LRMDA: variants seen among roughly 807,000 people sequenced by gnomAD.
LRMDA encodes the protein leucine rich melanocyte differentiation associated.
In LRMDA, 18 loss-of-function variants were observed where a neutral mutation model predicts 29.8. The ratio of observed to expected loss-of-function variants is 0.60; its 90% CI spans 0.42 to 0.90. LRMDA has a LOEUF of 0.90. Ranked by LOEUF, LRMDA falls within the 40% of genes least tolerant of loss-of-function variation. LRMDA has a pLI of 0.00. For synonymous variants in LRMDA, 125 were observed against 109.4 expected (o/e 1.14, Z -0.89); for missense variants, 273 against 273.9 (o/e 1.00, Z 0.02).
intron 2 of LRMDA, among the ~76,000 whole-genome samples, chr10:75,945,757 T>C (rs528418850): frequency 3.1e-4 from 47 of 152,296 alleles, no homozygotes; most frequent in Admixed American, 8.5e-4. Context: ...GGCAGCTACA[T>C]TGATATTTAA....
intron 2 of LRMDA, among the ~76,000 whole-genome samples, chr10:75,871,828 G>T (rs565031823): frequency 6.6e-6 from 1 of 152,168 alleles, no homozygotes; most frequent in African/African-American, 2.4e-5. Context: ...TTTACCCTTT[G>T]TTTTCATCAA....
At chr10:76,323,099 C>G (rs1321369595) in intron 5 of LRMDA, among the ~76,000 whole-genome samples, 1 of 151,878 alleles carries the variant, frequency 6.6e-6, no homozygotes, top group Non-Finnish European at 1.5e-5. Flanking sequence ...GCCTTGGATC[C>G]AAATTTAAAC....
intron 5 of LRMDA, among the ~76,000 whole-genome samples, chr10:76,107,863 CATCATCT>C (rs1244282707): frequency 5.3e-5 from 8 of 152,112 alleles, no homozygotes; most frequent in Non-Finnish European, 1.0e-4. Context: ...CCCATCAACC[CATCATCT>C]AAGTTTTCAA....
At chr10:75,672,538 C>T (rs563844969) in intron 2 of LRMDA, among the ~76,000 whole-genome samples, 1,684 of 5,334 alleles carry the variant, frequency 0.32, 399 homozygotes, top group East Asian at 0.62. Context: ...CCCCTCCCCT[C>T]CCCTCCCCTC....
At chr10:75,566,656 T>G (rs1453407960) in intron 2 of LRMDA, among the ~76,000 whole-genome samples, 1 of 152,134 alleles carries the variant, frequency 6.6e-6, no homozygotes, top group Non-Finnish European at 1.5e-5. Context: ...CTCTATCCAG[T>G]TTGCTGGCCA....
At chr10:76,277,284 T>C (rs188999854) in intron 5 of LRMDA, among the ~76,000 whole-genome samples, 2 of 152,250 alleles carry the variant, frequency 1.3e-5, no homozygotes, top group East Asian at 3.9e-4. Flanking sequence ...GAAATTCACC[T>C]CTTGGTGGGT....
intron 2 of LRMDA, among the ~76,000 whole-genome samples, chr10:75,787,097 A>G (rs1386277782): frequency 6.6e-6 from 1 of 152,206 alleles, no homozygotes; most frequent in Non-Finnish European, 1.5e-5. Flanking sequence ...TGTCTCTGAT[A>G]GTACATTGGG....
chr10:75,821,305 G>C, intron 2 of LRMDA, among the ~76,000 whole-genome samples: 1 of 152,148 alleles, frequency 6.6e-6, no homozygotes, highest in East Asian at 1.9e-4. Flanking sequence ...ACATAAAAAA[G>C]ATAGTATACT....
chr10:76,141,131 C>G (rs553509373), intron 5 of LRMDA, among the ~76,000 whole-genome samples: 1 of 152,172 alleles, frequency 6.6e-6, no homozygotes, highest in South Asian at 2.1e-4. Context: ...AATCTATTAT[C>G]AGTTTCTTTC....
intron 2 of LRMDA, among the ~76,000 whole-genome samples, chr10:75,755,411 TAGTTGG>T (rs1021345922): frequency 2.6e-5 from 4 of 152,200 alleles, no homozygotes; most frequent in African/African-American, 7.2e-5. Flanking sequence ...GGAACTCCAT[TAGTTGG>T]GGTTGGGGGC....
intron 5 of LRMDA, among the ~76,000 whole-genome samples, chr10:76,274,405 T>C (rs1000421842): frequency 4.6e-5 from 7 of 152,130 alleles, no homozygotes; most frequent in African/African-American, 1.7e-4. Flanking sequence ...ACTGGGATGT[T>C]TAAAAAAGTG....
intron 2 of LRMDA, among the ~76,000 whole-genome samples, chr10:76,015,040 C>T (rs1234809674): frequency 6.6e-6 from 1 of 152,204 alleles, no homozygotes; most frequent in African/African-American, 2.4e-5. Context: ...TACAGTCCCT[C>T]CTTGTGTATT....
chr10:75,590,911 A>C (rs112938682), intron 2 of LRMDA, among the ~76,000 whole-genome samples: 3 of 151,658 alleles, frequency 2.0e-5, no homozygotes, highest in African/African-American at 7.3e-5. Flanking sequence ...ACACCCGGCA[A>C]ATTTTTCTAT....
chr10:76,066,395 A>T (rs1201017768), intron 5 of LRMDA, among the ~76,000 whole-genome samples: 1 of 152,174 alleles, frequency 6.6e-6, no homozygotes. Flanking sequence ...CTCCCTACAA[A>T]TGAGGAAACT....
intron 2 of LRMDA, among the ~76,000 whole-genome samples, chr10:76,026,683 C>T (rs1207914593): frequency 6.6e-6 from 1 of 152,178 alleles, no homozygotes; most frequent in Non-Finnish European, 1.5e-5. Context: ...TGCTGGAACT[C>T]TGCTACCCTC....
chr10:75,617,318 G>C (rs1291347589), intron 2 of LRMDA, among the ~76,000 whole-genome samples: 1 of 152,174 alleles, frequency 6.6e-6, no homozygotes, highest in Non-Finnish European at 1.5e-5. Context: ...CAACCTCTAA[G>C]TGGAAGGAGT....
At position 76,194,518 on chromosome 10, in the gene LRMDA, A is replaced by G. The variant is rs1851301120; in HGVS notation, c.517-129883A>G. ...GAATCTCACATAGGCTCACATGTCC[A>G]GGCATTATTTTGCTGCTTTGATAAT... On this transcript the variant is annotated intron_variant, in intron 5 of 6. Coordinates refer to ENST00000611255, the MANE Select transcript of LRMDA (RefSeq NM_001305581.2). Among the ~76,000 whole-genome samples the G allele has an allele frequency of 2.6e-5, 4 of 152,226 alleles. No individual in the cohort carries two copies. The South Asian group carries it at 8.3e-4, about 31-fold the overall frequency.
intron 2 of LRMDA, among the ~76,000 whole-genome samples, chr10:75,791,249 G>A (rs1177973955): frequency 6.6e-6 from 1 of 152,158 alleles, no homozygotes; most frequent in Non-Finnish European, 1.5e-5. Context: ...GGTTGGGAGG[G>A]TCAGGAAATG....
At chr10:76,400,566 C>G in intron 6 of LRMDA, among the ~76,000 whole-genome samples, 1 of 152,214 alleles carries the variant, frequency 6.6e-6, no homozygotes, top group East Asian at 1.9e-4. Context: ...ACTCCCTATT[C>G]AAGCTGTTTT....
Sources: allele counts gnomAD v4.1 joint callset (sites outside exome capture counted in the v4.1 genomes callset), GRCh38; gene constraint gnomAD v4.1.1; transcripts MANE v1.5; gene names NCBI Gene and HGNC (gene_info 2026-07-23, HGNC 2026-07-21).